ARHGAP32: variants seen among roughly 807,000 people sequenced by gnomAD.
ARHGAP32 encodes Rho GTPase activating protein 32.
A neutral mutation model predicts 186.5 loss-of-function variants in ARHGAP32; 51 were observed. The observed-to-expected ratio is 0.27, with a 90% CI of 0.22 to 0.35. ARHGAP32 has a LOEUF of 0.35. Among genes scored for constraint, ARHGAP32 ranks in the 10% least tolerant of loss-of-function variants. The pLI, the probability that ARHGAP32 is intolerant of heterozygous loss-of-function variation, is 1.00. For missense variants in ARHGAP32, 2,186 were observed against 2,623.5 expected, an observed-to-expected ratio of 0.83 and a Z score of 3.64; for synonymous variants, 950 against 964.3, an observed-to-expected ratio of 0.99 and a Z score of 0.27.
rs1265147753 is a variant in ARHGAP32 at position 129,111,610 on chromosome 11, C to T, written c.444+11836G>A. On this transcript the variant is annotated intron_variant, in intron 5 of 22. Transcript: ENST00000682385. ...GTATGTTCCGGTTTTCTAAGTCTTC[C>T]TGATTCAATTTTAGTAGGCTGCACG... 2.6e-5 allele frequency among the ~76,000 whole-genome samples: 4 copies of T among 152,208 alleles called. No homozygotes were observed. The East Asian group carries it at 7.7e-4, about 29-fold the overall frequency.
At chr11:129,168,867 TC>T (rs1289635074) in intron 1 of ARHGAP32, among the ~76,000 whole-genome samples, 1 of 151,496 alleles carries the variant, frequency 6.6e-6, no homozygotes, top group Non-Finnish European at 1.5e-5. Flanking sequence ...AACTAGAAAT[TC>T]CTCTAAATGT....
intron 1 of ARHGAP32, among the ~76,000 whole-genome samples, chr11:129,260,791 C>A (rs78134091): frequency 0.028 from 4,213 of 152,108 alleles, 92 homozygotes; most frequent in Middle Eastern, 0.088. Context: ...ATAATTACTC[C>A]CAAAAATATT....
At chr11:129,262,035 T>C (rs190330085) in intron 1 of ARHGAP32, among the ~76,000 whole-genome samples, 9 of 152,290 alleles carry the variant, frequency 5.9e-5, no homozygotes, top group Non-Finnish European at 1.5e-5. Flanking sequence ...TGTCTGCCTT[T>C]TAAAACACAC....
At chr11:129,036,082 C>T (rs542322504) in intron 11 of ARHGAP32, among the ~76,000 whole-genome samples, 5 of 151,884 alleles carry the variant, frequency 3.3e-5, no homozygotes, top group South Asian at 2.1e-4. Context: ...TTTCTCCATT[C>T]AAAACATGAG....
chr11:129,099,713 A>C (rs1211200747), intron 5 of ARHGAP32, among the ~76,000 whole-genome samples: 1 of 152,202 alleles, frequency 6.6e-6, no homozygotes, highest in Non-Finnish European at 1.5e-5. Context: ...GTATATGATA[A>C]TAGAAGGTTC....
At chr11:129,193,327 GC>G (rs1158338097), upstream of ARHGAP32, among the ~76,000 whole-genome samples, 5 of 4,836 alleles carry the variant, frequency 1.0e-3, no homozygotes, top group Admixed American at 3.3e-3. Flanking sequence ...GGGGGGGGGG[GC>G]GGGAAACAGC....
intron 1 of ARHGAP32, among the ~76,000 whole-genome samples, chr11:129,178,224 C>A (rs1418865188): frequency 4.6e-5 from 7 of 152,058 alleles, no homozygotes; most frequent in African/African-American, 1.7e-4. Flanking sequence ...ACCTAGGAAT[C>A]CAACTTACAA....
intron 6 of ARHGAP32, among the ~76,000 whole-genome samples, chr11:129,091,242 T>G (rs1941570259): frequency 6.6e-6 from 1 of 152,166 alleles, no homozygotes; most frequent in African/African-American, 2.4e-5. Context: ...GGGTCCATGC[T>G]GTATCAGCTG....
At chr11:129,270,286 T>C (rs1801149439) in intron 1 of ARHGAP32, among the ~76,000 whole-genome samples, 1 of 152,186 alleles carries the variant, frequency 6.6e-6, no homozygotes, top group Admixed American at 6.5e-5. Flanking sequence ...TACTCTATGA[T>C]TCTAACTATA....
chr11:129,246,405 G>A (rs75468182), intron 1 of ARHGAP32, among the ~76,000 whole-genome samples: 62 of 152,258 alleles, frequency 4.1e-4, no homozygotes, highest in Non-Finnish European at 7.5e-4. Flanking sequence ...CATAGACTTT[G>A]GGTCATCAAA....
chr11:129,146,474 G>A (rs1939329), intron 2 of ARHGAP32, among the ~76,000 whole-genome samples: 144 of 152,196 alleles, frequency 9.5e-4, no homozygotes, highest in African/African-American at 3.3e-3. Flanking sequence ...AGTACTCTCC[G>A]TGGTTTCTTT....
chr11:129,194,948 T>TC (rs1338510922), upstream of ARHGAP32, among the ~76,000 whole-genome samples: 9 of 118,694 alleles, frequency 7.6e-5, no homozygotes, highest in African/African-American at 2.5e-4. Context: ...TGTTTTTTTG[T>TC]GGGGGGGGGG....
At chr11:129,079,540 C>CA (rs2135213664) in intron 6 of ARHGAP32, among the ~76,000 whole-genome samples, 2 of 152,160 alleles carry the variant, frequency 1.3e-5, no homozygotes, top group South Asian at 4.1e-4. Flanking sequence ...TTCAGACAAA[C>CA]AAATGTTGAG....
At position 128,982,738 on chromosome 11, in the gene ARHGAP32, C is replaced by T. The variant is rs557346589; in HGVS notation, c.1527-802G>A. On this transcript the variant is annotated intron_variant, in intron 15 of 22. Transcript: ENST00000682385. ...CCCATCTCTACAAAAAGTGTAAAAA[C>T]AATTAGCTGGGTGTGGTGGTGCATG... 1.7e-4 allele frequency among the ~76,000 whole-genome samples: 25 copies of T among 151,132 alleles called. 3 individuals carry two copies. The South Asian group carries it at 4.4e-3, about 27-fold the overall frequency.
At chr11:129,271,799 G>A (rs535689879) in intron 1 of ARHGAP32, among the ~76,000 whole-genome samples, 89 of 152,252 alleles carry the variant, frequency 5.8e-4, no homozygotes, top group African/African-American at 2.1e-3. Flanking sequence ...TGGTGAGAGA[G>A]GTCAAATAAG....
At chr11:128,984,374 CAAA>C (rs1008089613) in intron 15 of ARHGAP32, among the ~76,000 whole-genome samples, 1 of 130,288 alleles carries the variant, frequency 7.7e-6, no homozygotes, top group Non-Finnish European at 1.7e-5. Flanking sequence ...GACCCTGCCT[CAAA>C]AAAAAAAAGG....
chr11:128,968,186 T>G lies in ARHGAP32; in HGVS notation c.*721A>C, dbSNP rs1945261492. On this transcript the variant is annotated 3_prime_UTR_variant, in exon 23 of 23. Coordinates refer to ENST00000682385, the MANE Select transcript of ARHGAP32 (RefSeq NM_001378024.1). ...CTTTTAAAAGTCCATTCTGTCATGA[T>G]ATGAGCCTGTTCACTGAACCGTGAG... 6.6e-6 allele frequency: 1 copy of G among 152,158 alleles called. No individual in the cohort carries two copies. Among genetic ancestry groups the G allele is most frequent in the African/African-American group, 2.4e-5 (1 of 41,420 alleles). The allele number at this position is 152,158 out of a possible 1,614,324, so 9.4% of individuals were successfully genotyped here. A position where few individuals can be genotyped will look rare whatever the true frequency, so the allele number is the denominator to read the frequency against.
intron 1 of ARHGAP32, among the ~76,000 whole-genome samples, chr11:129,260,538 C>T (rs960117069): frequency 6.6e-6 from 1 of 151,964 alleles, no homozygotes; most frequent in East Asian, 1.9e-4. Context: ...AGAAAAAAGT[C>T]TTAAAAAATA....
chr11:129,206,250 C>CGAAA (rs1409694849), intron 1 of ARHGAP32, among the ~76,000 whole-genome samples: 345 of 152,304 alleles, frequency 2.3e-3, no homozygotes, highest in African/African-American at 8.1e-3. Flanking sequence ...CTCACTCTGT[C>CGAAA]ACCCAGGCTG....
Sources: gnomAD v4.1 joint callset for allele counts (sites outside exome capture counted in the v4.1 genomes callset) on GRCh38, gnomAD v4.1.1 for gene constraint, MANE v1.5 for transcripts, NCBI Gene and HGNC (gene_info 2026-07-23, HGNC 2026-07-21) for gene names.